Variants in EXD3 observed in about 807,000 individuals in gnomAD.
The protein encoded by EXD3 is exonuclease 3'-5' domain containing 3, also known as exonuclease mut-7 homolog.
EXD3 carries 92 observed loss-of-function variants against 98.0 expected under a neutral mutation model. The observed-to-expected ratio is 0.94, with a 90% CI of 0.79 to 1.12. The LOEUF (loss-of-function observed/expected upper bound fraction) is 1.12, where lower values mean the gene tolerates loss of function less well. Ranked by LOEUF, EXD3 falls within the 50% of genes most tolerant of loss-of-function variation. The pLI, the probability that EXD3 is intolerant of heterozygous loss-of-function variation, is 0.00. For missense variants in EXD3, 1,222 were observed against 1,191.6 expected (o/e 1.03, Z -0.38); for synonymous variants, 569 against 526.0 (o/e 1.08, Z -1.12).
At chr9:137,345,674 A>AAAAAAAAAT (rs1833891402) in intron 17 of EXD3, 1 of 151,528 alleles carries the variant, frequency 6.6e-6, no homozygotes, top group African/African-American at 2.4e-5. Flanking sequence ...AAAAAAAAAA[A>AAAAAAAAAT]AGGAAAGAAA....
At chr9:137,346,940 C>T (rs1490635047) in intron 17 of EXD3, among the ~76,000 whole-genome samples, 4 of 152,046 alleles carry the variant, frequency 2.6e-5, no homozygotes, top group Non-Finnish European at 5.9e-5. Flanking sequence ...CTCAGCCTCC[C>T]GAGTAGCTGG....
At chr9:137,311,191 C>G (rs1831340660) in intron 19 of EXD3, among the ~76,000 whole-genome samples, 1 of 152,234 alleles carries the variant, frequency 6.6e-6, no homozygotes, top group Non-Finnish European at 1.5e-5. Context: ...CCCTCCCTTC[C>G]TCTTCCGCTA....
At chr9:137,350,986 C>T in intron 14 of EXD3, 52 bp downstream of exon 14, 4 of 1,504,048 alleles carry the variant, frequency 2.7e-6, no homozygotes, top group South Asian at 2.4e-5. Context: ...CCAAGCAGCC[C>T]TCGAACCCCA....
chr9:137,316,356 C>T lies in EXD3; in HGVS notation c.2185-6656G>A, dbSNP rs374508795. The stretch of plus-strand genomic sequence containing the variant: ...GACCCCGCCTGCCCGTCCAGGGTCG[C>T]AGGGGTGTGTGCAGGGGGCCGAGAC... On this transcript the variant is annotated intron_variant, in intron 19 of 21. Coordinates refer to ENST00000340951, the MANE Select transcript of EXD3 (RefSeq NM_017820.5). 5.9e-4 allele frequency among the ~76,000 whole-genome samples: 90 copies of T among 152,104 alleles called. 2 individuals are homozygous for T. In the East Asian group the frequency reaches 0.016, roughly 28 times the overall value.
chr9:137,397,708 G>A (rs11523300), intron 1 of EXD3, among the ~76,000 whole-genome samples: 30,622 of 152,062 alleles, frequency 0.2, 3,490 homozygotes, highest in East Asian at 0.31. Flanking sequence ...GTGCAGTGTG[G>A]GAGGCTGAGG....
chr9:137,406,851 A>G (rs1837735737), intron 1 of EXD3, among the ~76,000 whole-genome samples: 1 of 148,468 alleles, frequency 6.7e-6, no homozygotes, highest in African/African-American at 2.5e-5. Flanking sequence ...CCTCCCTTCC[A>G]GGAGTGCAGC....
intron 19 of EXD3, among the ~76,000 whole-genome samples, chr9:137,314,368 C>A (rs1021500818): frequency 2.6e-5 from 4 of 152,210 alleles, no homozygotes; most frequent in Non-Finnish European, 1.5e-5. Flanking sequence ...CCGGCACTGA[C>A]TTTCCACTGG....
chr9:137,343,092 C>T (rs1026675896), intron 17 of EXD3: 7 of 152,266 alleles, frequency 4.6e-5, no homozygotes, highest in African/African-American at 1.4e-4. Flanking sequence ...TGCACTCCCG[C>T]CTGGGCGACA....
Position 137,416,217 on chromosome 9 carries a change from C to T in EXD3, c.-48+6897G>A, listed in dbSNP as rs569569627. Reference sequence around the variant, plus strand: ...CAGTGCCTGAGGGCCAAGAATTCTGCGGTGGCTGGCTGGGTGGCCGCTCCA... The same window carrying T: ...CAGTGCCTGAGGGCCAAGAATTCTGTGGTGGCTGGCTGGGTGGCCGCTCCA... On this transcript the variant is annotated intron_variant, in intron 1 of 21. Transcript: ENST00000340951. Among the ~76,000 whole-genome samples the T allele has an allele frequency of 1.1e-4, 17 of 152,312 alleles. No individual in the cohort carries two copies. The East Asian group carries it at 2.5e-3, about 22-fold the overall frequency.
intron 1 of EXD3, among the ~76,000 whole-genome samples, chr9:137,396,978 G>A (rs111507106): frequency 1.3e-3 from 198 of 152,342 alleles, no homozygotes; most frequent in Middle Eastern, 3.4e-3. Flanking sequence ...ATGCCGAGGG[G>A]GCCACTGGGG....
chr9:137,412,643 T>A (rs967839640), intron 1 of EXD3, among the ~76,000 whole-genome samples: 1 of 152,178 alleles, frequency 6.6e-6, no homozygotes, highest in Non-Finnish European at 1.5e-5. Flanking sequence ...GATGAGCTGA[T>A]GCTGGCAAGA....
chr9:137,416,146 C>T (rs1838218781), intron 1 of EXD3, among the ~76,000 whole-genome samples: 1 of 152,282 alleles, frequency 6.6e-6, no homozygotes, highest in Admixed American at 6.5e-5. Flanking sequence ...CCGCCGGCCA[C>T]TGCCAGCCAC....
Position 137,339,953 on chromosome 9 carries a change from T to C in EXD3, c.1998+8118A>G, listed in dbSNP as rs111413475. Among the ~76,000 whole-genome samples the C allele has an allele frequency of 9.1e-3, 1,383 of 152,304 alleles. 26 individuals carry two copies. The highest frequency in any genetic ancestry group is 0.032 in the African/African-American group (1,315 of 41,552). ...AAAGGAAGAAATAAAACCCTCATAG[T>C]TTGCAGATGACGTGTACGAACAGAA... On this transcript the variant is annotated intron_variant, in intron 17 of 21. Transcript: ENST00000340951.
intron 3 of EXD3, among the ~76,000 whole-genome samples, chr9:137,373,821 T>C (rs1026130834): frequency 6.6e-6 from 1 of 152,130 alleles, no homozygotes; most frequent in African/African-American, 2.4e-5. Context: ...AATTATCCCA[T>C]AAAGACAGAG....
At position 137,307,646 on chromosome 9, in the gene EXD3, C is replaced by G; in HGVS notation, c.2279G>C (p.Gly760Ala). Residue 760 changes from glycine to alanine, a missense_variant and splice_region_variant, in exon 21 of 22, where the codon GGT (glycine) becomes GCT (alanine). Physicochemically the swap from Gly to Ala is moderately conservative, Grantham distance 60 (BLOSUM62 0). Transcript: ENST00000340951. ...CGCCTGGCTCTGGGTGGCCTCGTCA[C>G]CTGTCAGTCAAGGAAGAGAGCTGGT... ...SSHQEGPRSS[G>A]DEATQSQAVQ... 6.2e-7 allele frequency: 1 copy of G among 1,609,656 alleles called. No individual in the cohort carries two copies. Among genetic ancestry groups the G allele is most frequent in the Non-Finnish European group, 8.5e-7 (1 of 1,179,684 alleles).
intron 17 of EXD3, among the ~76,000 whole-genome samples, chr9:137,337,458 C>T (rs1285314181): frequency 6.6e-6 from 1 of 152,086 alleles, no homozygotes; most frequent in Non-Finnish European, 1.5e-5. Context: ...CCAGACCAGC[C>T]TGGCCAATAT....
chr9:137,395,394 G>A lies in EXD3; in HGVS notation c.-37C>T. The A allele has an allele frequency of 2.5e-6, 4 of 1,613,124 alleles. No individual in the cohort carries two copies. Among genetic ancestry groups the A allele is most frequent in the Non-Finnish European group, 3.4e-6 (4 of 1,179,766 alleles). On this transcript the variant is annotated 5_prime_UTR_variant, in exon 2 of 22. Coordinates refer to ENST00000340951, the MANE Select transcript of EXD3 (RefSeq NM_017820.5). This position sits in a 1 kb window ranked among gnomAD's most constrained non-coding sequence, Gnocchi z 6.5. ...GGCCGAGGACGCTGGCAGGCAGCTA[G>A]GAACGAGGATCTGCAGAAACAGACA...
intron 19 of EXD3, among the ~76,000 whole-genome samples, chr9:137,321,106 A>G (rs894802754): frequency 1.3e-5 from 2 of 152,230 alleles, no homozygotes; most frequent in Non-Finnish European, 1.5e-5. Flanking sequence ...CTGTGTGTAC[A>G]GGTGCCTGGC....
At chr9:137,353,735 C>A in intron 10 of EXD3, 1 of 985,696 alleles carries the variant, frequency 1.0e-6, no homozygotes, top group Admixed American at 6.1e-5. Flanking sequence ...GTCCATGGGT[C>A]CAGGATGGCC....
Sources: allele counts gnomAD v4.1 joint callset (sites outside exome capture counted in the v4.1 genomes callset), GRCh38; gene constraint gnomAD v4.1.1; non-coding constraint Gnocchi (gnomAD v3.1); transcripts MANE v1.5; gene names NCBI Gene and HGNC (gene_info 2026-07-23, HGNC 2026-07-21).